The following BICC1 variants were observed in gnomAD, a reference collection of about 807,000 sequenced individuals.
The protein encoded by BICC1 is BicC family RNA binding protein 1, also known as protein bicaudal C homolog 1.
A neutral mutation model predicts 111.0 loss-of-function variants in BICC1; 43 were observed. That is an observed-to-expected ratio of 0.39 (90% confidence interval 0.30 to 0.50). The LOEUF is 0.50. Ranked by LOEUF, BICC1 falls within the 20% of genes least tolerant of loss-of-function variation. The pLI is 0.88. For synonymous variants in BICC1, 467 were observed against 434.4 expected (o/e 1.07, Z -0.93); for missense variants, 1,091 against 1,203.2 (o/e 0.91, Z 1.38).
chr10:58,646,444 A>C (rs1397167118), intron 2 of BICC1, among the ~76,000 whole-genome samples: 1 of 152,176 alleles, frequency 6.6e-6, no homozygotes, highest in East Asian at 1.9e-4. Flanking sequence ...TTTTCTAGTA[A>C]GTTATGACTA....
At chr10:58,611,004 T>C (rs942139904) in intron 1 of BICC1, among the ~76,000 whole-genome samples, 8 of 152,210 alleles carry the variant, frequency 5.3e-5, no homozygotes, top group African/African-American at 1.9e-4. Context: ...GGCATGATGT[T>C]ATTGATTGTC....
intron 2 of BICC1, among the ~76,000 whole-genome samples, chr10:58,684,192 T>A (rs1403996107): frequency 6.6e-6 from 1 of 152,232 alleles, no homozygotes; most frequent in East Asian, 1.9e-4. Flanking sequence ...GGTTTGCGTA[T>A]GTTGAACCAG....
At chr10:58,729,804 C>T (rs948738820) in intron 3 of BICC1, among the ~76,000 whole-genome samples, 1 of 152,310 alleles carries the variant, frequency 6.6e-6, no homozygotes, top group African/African-American at 2.4e-5. Context: ...ATTGTGACGA[C>T]AGTACCAAGG....
intron 1 of BICC1, among the ~76,000 whole-genome samples, chr10:58,515,365 T>G (rs1014975396): frequency 3.3e-5 from 5 of 152,190 alleles, no homozygotes; most frequent in Non-Finnish European, 7.4e-5. Context: ...ACCTAGGTTG[T>G]GTAGCCTGCT....
Position 58,556,875 on chromosome 10 carries a change from C to G in BICC1, c.190+43542C>G, listed in dbSNP as rs150810296. On this transcript the variant is annotated intron_variant, in intron 1 of 20. Coordinates refer to ENST00000373886, the MANE Select transcript of BICC1 (RefSeq NM_001080512.3). ...TTTTCTTGCATTACTATTTTTTATTCTAGTGTAACATCTTTTTAAGTGGTT... is the reference window on the plus strand; with the variant it reads ...TTTTCTTGCATTACTATTTTTTATTGTAGTGTAACATCTTTTTAAGTGGTT... 9.9e-4 allele frequency among the ~76,000 whole-genome samples: 151 copies of G among 151,996 alleles called. 1 individual carries two copies. The highest frequency in any genetic ancestry group is 3.6e-3 in the African/African-American group (148 of 41,518).
intron 2 of BICC1, among the ~76,000 whole-genome samples, chr10:58,681,167 A>G (rs1839507910): frequency 6.6e-6 from 1 of 152,230 alleles, no homozygotes; most frequent in Non-Finnish European, 1.5e-5. Context: ...GCCAAAATTG[A>G]CAAGTGGGAT....
chr10:58,720,132 G>C (rs1037986329), intron 3 of BICC1, among the ~76,000 whole-genome samples: 6 of 152,202 alleles, frequency 3.9e-5, no homozygotes, highest in African/African-American at 1.4e-4. Flanking sequence ...CCTCCTGACA[G>C]CTCCCAGTCC....
chr10:58,599,540 AC>A (rs1844954033), intron 1 of BICC1, among the ~76,000 whole-genome samples: 1 of 152,142 alleles, frequency 6.6e-6, no homozygotes, highest in African/African-American at 2.4e-5. Context: ...TAGGAGAAAT[AC>A]CTAATGTAGG....
At chr10:58,532,178 A>G (rs1842698880) in intron 1 of BICC1, among the ~76,000 whole-genome samples, 1 of 151,850 alleles carries the variant, frequency 6.6e-6, no homozygotes, top group Admixed American at 6.6e-5. Context: ...GAGAAAGGCA[A>G]TGTGGTATAT....
In BICC1 at chr10:58,829,039, A is replaced by T; in HGVS notation, c.*148A>T. 1.2e-6 allele frequency: 1 copy of T among 857,536 alleles called. No homozygotes were observed. The highest frequency in any genetic ancestry group is 1.7e-6 in the Non-Finnish European group (1 of 574,150). The allele number at this position is 857,536 out of a possible 1,614,324, so 53.1% of individuals were successfully genotyped here. ...TATTCGCACCTGTACTTTATGGCAA[A>T]AAGGAAGAAGAGAGAGAAGATGTTC... is the stretch of plus-strand genomic sequence containing the variant. On this transcript the variant is annotated 3_prime_UTR_variant, in exon 21 of 21. Coordinates refer to ENST00000373886, the MANE Select transcript of BICC1 (RefSeq NM_001080512.3).
intron 1 of BICC1, among the ~76,000 whole-genome samples, chr10:58,618,252 G>A (rs1203376851): frequency 6.6e-6 from 1 of 152,196 alleles, no homozygotes; most frequent in African/African-American, 2.4e-5. Context: ...TGGAGTGTAA[G>A]GAAAATGGAT....
At position 58,548,261 on chromosome 10, in the gene BICC1, A is replaced by G. The variant is rs563221179; in HGVS notation, c.190+34928A>G. Among the ~76,000 whole-genome samples the G allele has an allele frequency of 5.3e-5, 8 of 152,330 alleles. No homozygotes were observed. In the South Asian group the frequency reaches 1.5e-3, roughly 28 times the overall value. ...CGATCCATTTGCATTGTTCAACTCC[A>G]GTATACAGTATAATAGTGATTTTAG... is the stretch of plus-strand genomic sequence containing the variant. On this transcript the variant is annotated intron_variant, in intron 1 of 20. Coordinates refer to ENST00000373886, the MANE Select transcript of BICC1 (RefSeq NM_001080512.3).
intron 12 of BICC1, among the ~76,000 whole-genome samples, chr10:58,799,703 A>G (rs945650045): frequency 6.6e-6 from 1 of 151,440 alleles, no homozygotes; most frequent in Non-Finnish European, 1.5e-5. Flanking sequence ...CCCTTGGTCT[A>G]TATTTCTATT....
chr10:58,801,009 G>A lies in BICC1; in HGVS notation c.1978G>A (p.Val660Met). The change falls in exon 14 of 21, where the codon GTG (valine) becomes ATG (methionine). Residue 660 changes from valine to methionine, a missense_variant. Coordinates refer to ENST00000373886, the MANE Select transcript of BICC1 (RefSeq NM_001080512.3). ...SKVSCAKRQT[V>M]ELLQGTKNSH... is the part of the protein sequence containing the mutation. ...GGTTTCCTGTGCCAAAAGGCAGACA[G>A]TGGAACTATTGCAAGGCACGAAAAA... 1 of 1,611,572 alleles carries A rather than the reference G, an allele frequency of 6.2e-7. No individual in the cohort carries two copies. Among genetic ancestry groups the A allele is most frequent in the Non-Finnish European group, 8.5e-7 (1 of 1,178,904 alleles).
chr10:58,521,893 T>A lies in BICC1; in HGVS notation c.190+8560T>A, dbSNP rs1013239661. 3.3e-5 allele frequency among the ~76,000 whole-genome samples: 5 copies of A among 150,648 alleles called. No homozygotes were observed. The East Asian group carries it at 5.9e-4, about 18-fold the overall frequency. ...GGCAGGATTGGCATTTTGGAAAGAA[T>A]CTTTTGTGAGTCTAATGGAGATGGT... On this transcript the variant is annotated intron_variant, in intron 1 of 20. Transcript: ENST00000373886.
chr10:58,732,752 A>C (rs1268301786), intron 3 of BICC1, among the ~76,000 whole-genome samples: 1 of 152,066 alleles, frequency 6.6e-6, no homozygotes, highest in Non-Finnish European at 1.5e-5. Context: ...ACTGCATTCC[A>C]GCCTGTGCAA....
At chr10:58,648,795 C>A in intron 2 of BICC1, 1 of 411,724 alleles carries the variant, frequency 2.4e-6, no homozygotes, top group Non-Finnish European at 3.3e-6. Flanking sequence ...TTCCTTTCTG[C>A]TTTTTCATTT....
chr10:58,796,462 T>G lies in BICC1; in HGVS notation c.1302T>G (p.Pro434=). 1 of 1,614,150 alleles carries G rather than the reference T, an allele frequency of 6.2e-7. No individual in the cohort carries two copies. Among genetic ancestry groups the G allele is most frequent in the Non-Finnish European group, 8.5e-7 (1 of 1,180,006 alleles). Reference sequence around the variant, plus strand: ...CCAGTCCATCCCCAGCATCCTGCCCTGCCGGCCTGGCATGTCCCAGCCTGG... The same window carrying G: ...CCAGTCCATCCCCAGCATCCTGCCCGGCCGGCCTGGCATGTCCCAGCCTGG... ...IATSPSPASC[P]AGLACPSLDI... The change falls in exon 10 of 21, where the codon CCT becomes CCG. Residue 434 remains proline, a synonymous_variant. Transcript: ENST00000373886.
At chr10:58,747,321 A>G (rs550635282) in intron 3 of BICC1, among the ~76,000 whole-genome samples, 2 of 152,202 alleles carry the variant, frequency 1.3e-5, no homozygotes, top group South Asian at 2.1e-4. Flanking sequence ...CCTTTCCTTA[A>G]TTGTCCATTT....
Sources: allele counts gnomAD v4.1 joint callset (sites outside exome capture counted in the v4.1 genomes callset), GRCh38; gene constraint gnomAD v4.1.1; transcripts MANE v1.5; gene names NCBI Gene and HGNC (gene_info 2026-07-23, HGNC 2026-07-21).